The following HOOK3 variants were observed in gnomAD, a reference collection of about 807,000 sequenced individuals.
The protein encoded by HOOK3 is hook microtubule tethering protein 3.
In HOOK3, 24 loss-of-function variants were observed where a neutral mutation model predicts 116.3. The observed-to-expected ratio is 0.21, with a 90% CI of 0.15 to 0.29. The LOEUF (loss-of-function observed/expected upper bound fraction) is 0.29, where lower values mean the gene tolerates loss of function less well. Among genes scored for constraint, HOOK3 ranks in the 10% least tolerant of loss-of-function variants. HOOK3 has a pLI of 1.00. For missense variants in HOOK3, 632 were observed against 830.2 expected, an observed-to-expected ratio of 0.76 and a Z score of 2.93; for synonymous variants, 275 against 283.0, an observed-to-expected ratio of 0.97 and a Z score of 0.28.
intron 5 of HOOK3, among the ~76,000 whole-genome samples, chr8:42,948,906 CCAAA>C (rs1365876338): frequency 6.6e-6 from 1 of 152,158 alleles, no homozygotes; most frequent in African/African-American, 2.4e-5. Context: ...GTACTTATAA[CCAAA>C]CAATCGATTG....
At chr8:42,999,150 A>T (rs562420161) in intron 16 of HOOK3, among the ~76,000 whole-genome samples, 178 of 152,374 alleles carry the variant, frequency 1.2e-3, no homozygotes, top group African/African-American at 4.1e-3. Flanking sequence ...TGGTTCTCTT[A>T]CATTAAAACA....
At chr8:43,005,994 CTATTTATTTATT>C (rs541185195) in intron 17 of HOOK3, among the ~76,000 whole-genome samples, 80 of 148,240 alleles carry the variant, frequency 5.4e-4, no homozygotes, top group Admixed American at 1.0e-3. Flanking sequence ...CGCACCTGGT[CTATTTATTTATT>C]TATTTATTTA....
At chr8:42,951,162 G>T (rs1183237175) in intron 6 of HOOK3, among the ~76,000 whole-genome samples, 2 of 152,142 alleles carry the variant, frequency 1.3e-5, no homozygotes, top group African/African-American at 2.4e-5. Flanking sequence ...CCAGGTTCAA[G>T]CAATTCTCCT....
At chr8:42,906,296 G>A (rs1390941361) in intron 2 of HOOK3, 38 bp downstream of exon 2, 2 of 1,338,318 alleles carry the variant, frequency 1.5e-6, no homozygotes, top group South Asian at 2.4e-5. Context: ...GTATTCTTAT[G>A]CATGGATATT....
At chr8:42,966,634 G>A (rs113159924) in intron 10 of HOOK3, 21 bp downstream of exon 10, 24 of 1,610,828 alleles carry the variant, frequency 1.5e-5, no homozygotes, top group African/African-American at 4.0e-5. Flanking sequence ...CACCTTCACC[G>A]CCCAGCACAG....
rs1809926985 is a variant in HOOK3, at chr8:43,025,980, C to T, written c.*7482C>T. The T allele has an allele frequency of 9.5e-6, 2 of 209,534 alleles. No individual in the cohort carries two copies. Among genetic ancestry groups the T allele is most frequent in the Non-Finnish European group, 1.9e-5 (2 of 103,250 alleles). The allele number at this position is 209,534 out of a possible 1,614,324, so 13.0% of individuals were successfully genotyped here. A position where few individuals can be genotyped will look rare whatever the true frequency, so the allele number is the denominator to read the frequency against. ...TGGGACTATCAAATCCGAATTATAT[C>T]TACTTAGAGCTTAGAGGAAGAATTA... On this transcript the variant is annotated 3_prime_UTR_variant, in exon 22 of 22. Transcript: ENST00000307602.
intron 15 of HOOK3, among the ~76,000 whole-genome samples, chr8:42,991,855 C>G (rs1186070995): frequency 6.6e-6 from 1 of 152,118 alleles, no homozygotes; most frequent in Non-Finnish European, 1.5e-5. Flanking sequence ...TCCCTAAGAG[C>G]TAGGATTACA....
In HOOK3 at chr8:43,018,622, T is replaced by C; in HGVS notation, c.*124T>C. 1 of 1,003,630 alleles carries C rather than the reference T, an allele frequency of 1.0e-6. No homozygotes were observed. 62.2% of individuals were successfully genotyped at this position (1,003,630 alleles called of 1,614,324 possible). On this transcript the variant is annotated 3_prime_UTR_variant, in exon 22 of 22. Transcript: ENST00000307602. Reference sequence around the variant, plus strand: ...CTCTTCTATGTCAATACTTAGTGTTTCTCATTTTGAGGACTTTTTCTCTCT... The same window carrying C: ...CTCTTCTATGTCAATACTTAGTGTTCCTCATTTTGAGGACTTTTTCTCTCT...
At chr8:42,915,241 G>A (rs150588946) in intron 2 of HOOK3, among the ~76,000 whole-genome samples, 9 of 152,064 alleles carry the variant, frequency 5.9e-5, no homozygotes, top group South Asian at 2.1e-4. Flanking sequence ...AGCTGGGCAT[G>A]GTGGCGCATA....
chr8:42,897,729 A>G (rs759146465), intron 1 of HOOK3, among the ~76,000 whole-genome samples: 3 of 152,272 alleles, frequency 2.0e-5, no homozygotes, highest in Non-Finnish European at 4.4e-5. Flanking sequence ...CTGGGCGTCA[A>G]CAATGGAACT....
At chr8:42,897,813 G>T (rs1277499026) in intron 1 of HOOK3, among the ~76,000 whole-genome samples, 3 of 151,848 alleles carry the variant, frequency 2.0e-5, no homozygotes, top group African/African-American at 4.8e-5. Context: ...CTCATACTTT[G>T]AAGTAAATAC....
Position 43,027,273 on chromosome 8 carries a change from CT to C in HOOK3, c.*8777del, listed in dbSNP as rs1181735827. 3.9e-6 allele frequency: 1 copy of C among 257,966 alleles called. No homozygotes were observed. Among genetic ancestry groups the C allele is most frequent in the Non-Finnish European group, 7.8e-6 (1 of 128,576 alleles). The allele number at this position is 257,966 out of a possible 1,614,324, so 16.0% of individuals were successfully genotyped here. A position where few individuals can be genotyped will look rare whatever the true frequency, so the allele number is the denominator to read the frequency against. On this transcript the variant is annotated 3_prime_UTR_variant, in exon 22 of 22. Coordinates refer to ENST00000307602, the MANE Select transcript of HOOK3 (RefSeq NM_032410.4). ...GAGAGACTTTCTTTAGGAGCCAGGA[CT>C]TCTACATTTGTAACTTGAGTATATT...
intron 1 of HOOK3, among the ~76,000 whole-genome samples, chr8:42,898,226 A>T (rs959481162): frequency 6.6e-6 from 1 of 152,200 alleles, no homozygotes; most frequent in African/African-American, 2.4e-5. Flanking sequence ...AAATTAATAA[A>T]AATAGTCTGA....
At position 42,943,323 on chromosome 8, in the gene HOOK3, A is replaced by G; in HGVS notation, c.278A>G (p.Gln93Arg). Reference sequence around the variant, plus strand: ...TTTATCTCCATTCAGATTTTAGGACAGCAAATTAATGACTTTACCCTTCCT... The same window carrying G: ...TTTATCTCCATTCAGATTTTAGGACGGCAAATTAATGACTTTACCCTTCCT... ...ILDYNHEILG[Q>R]QINDFTLPDV... Residue 93 changes from glutamine (Q) to arginine (R), a missense_variant, in exon 5 of 22, where the codon CAG becomes CGG. Physicochemically the swap from Gln to Arg is conservative, Grantham distance 43 (BLOSUM62 1). Transcript: ENST00000307602. 1.3e-6 allele frequency: 2 copies of G among 1,496,514 alleles called. No individual in the cohort carries two copies. The highest frequency in any genetic ancestry group is 1.8e-6 in the Non-Finnish European group (2 of 1,117,722). The allele number at this position is 1,496,514 out of a possible 1,614,324, so 92.7% of individuals were successfully genotyped here.
At chr8:43,016,793 T>C (rs1352482978) in intron 21 of HOOK3, among the ~76,000 whole-genome samples, 1 of 152,238 alleles carries the variant, frequency 6.6e-6, no homozygotes, top group African/African-American at 2.4e-5. Flanking sequence ...TGATTTCAAG[T>C]TGAGTTTAAA....
intron 7 of HOOK3, among the ~76,000 whole-genome samples, chr8:42,958,464 AAAC>A (rs1808474873): frequency 6.6e-6 from 1 of 152,130 alleles, no homozygotes; most frequent in African/African-American, 2.4e-5. Flanking sequence ...TGTTGAGAGT[AAAC>A]AAATTTTTTA....
intron 15 of HOOK3, among the ~76,000 whole-genome samples, chr8:42,993,421 A>G (rs1283909743): frequency 6.6e-6 from 1 of 152,222 alleles, no homozygotes; most frequent in Non-Finnish European, 1.5e-5. Flanking sequence ...TGTTGGGATT[A>G]CAGGCGTGAG....
At chr8:42,924,176 T>G (rs1391001595) in intron 2 of HOOK3, among the ~76,000 whole-genome samples, 2 of 152,160 alleles carry the variant, frequency 1.3e-5, no homozygotes, top group Non-Finnish European at 2.9e-5. Context: ...GAAAGATTTT[T>G]GGACTTAGCA....
rs912315985 is a variant in HOOK3 at position 43,022,756 on chromosome 8, T to A, written c.*4258T>A. On this transcript the variant is annotated 3_prime_UTR_variant, in exon 22 of 22. Coordinates refer to ENST00000307602, the MANE Select transcript of HOOK3 (RefSeq NM_032410.4). Reference sequence around the variant, plus strand: ...CCTGTGTTCCAAAATTTACCAAGATTGACATTTCTATTAGACATCCTTAAC... The same window carrying A: ...CCTGTGTTCCAAAATTTACCAAGATAGACATTTCTATTAGACATCCTTAAC... 13 of 179,802 alleles carry A rather than the reference T, an allele frequency of 7.2e-5. No homozygotes were observed. The highest frequency in any genetic ancestry group is 3.1e-4 in the African/African-American group (13 of 42,400). 11.1% of individuals were successfully genotyped at this position (179,802 alleles called of 1,614,324 possible). A position where few individuals can be genotyped will look rare whatever the true frequency, so the allele number is the denominator to read the frequency against.
Sources: allele counts gnomAD v4.1 joint callset (sites outside exome capture counted in the v4.1 genomes callset), GRCh38; gene constraint gnomAD v4.1.1; transcripts MANE v1.5; gene names NCBI Gene and HGNC (gene_info 2026-07-23, HGNC 2026-07-21).